PEAK1: variants seen among roughly 807,000 people sequenced by gnomAD.
PEAK1 encodes the protein inactive tyrosine-protein kinase PEAK1.
PEAK1 carries 54 observed loss-of-function variants against 124.7 expected under a neutral mutation model. The ratio of observed to expected loss-of-function variants is 0.43; its 90% CI spans 0.35 to 0.54. The LOEUF is 0.54. Among genes scored for constraint, PEAK1 ranks in the 20% least tolerant of loss-of-function variants. PEAK1 has a pLI of 0.01. For synonymous variants in PEAK1, 719 were observed against 760.0 expected, an observed-to-expected ratio of 0.95 and a Z score of 0.89; for missense variants, 2,046 against 2,134.5, an observed-to-expected ratio of 0.96 and a Z score of 0.82.
intron 8 of PEAK1, among the ~76,000 whole-genome samples, chr15:77,147,348 G>C (rs2054243411): frequency 6.6e-6 from 1 of 152,100 alleles, no homozygotes; most frequent in Non-Finnish European, 1.5e-5. Flanking sequence ...TAGGATGTTG[G>C]GATGCAGAAA....
intron 6 of PEAK1, among the ~76,000 whole-genome samples, chr15:77,232,215 C>T (rs927804736): frequency 6.6e-6 from 1 of 152,104 alleles, no homozygotes; most frequent in Non-Finnish European, 1.5e-5. Flanking sequence ...ATTTTGCAAA[C>T]ACTCTCTTGA....
chr15:77,205,568 CCTT>C lies in PEAK1; in HGVS notation c.-114-23531_-114-23529del, dbSNP rs1352197821. Among the ~76,000 whole-genome samples the C allele has an allele frequency of 2.0e-5, 3 of 152,144 alleles. No individual in the cohort carries two copies. In the East Asian group the frequency reaches 5.8e-4, roughly 29 times the overall value. On this transcript the variant is annotated intron_variant, in intron 6 of 9. Transcript: ENST00000682557. Reference sequence around the variant, plus strand: ...AAAAATACTCCTGGCTCATGGCTCTCCTTATCAGAATTGTGTGCACTCTGTAAC... The same window carrying C: ...AAAAATACTCCTGGCTCATGGCTCTCATCAGAATTGTGTGCACTCTGTAAC...
chr15:77,211,767 G>A (rs989427714), intron 6 of PEAK1, among the ~76,000 whole-genome samples: 4 of 143,284 alleles, frequency 2.8e-5, no homozygotes, highest in Non-Finnish European at 3.0e-5. Context: ...AGAATTATTT[G>A]AACCCGGGAG....
intron 1 of PEAK1, among the ~76,000 whole-genome samples, chr15:77,397,824 C>T (rs890995469): frequency 4.6e-5 from 7 of 152,056 alleles, no homozygotes; most frequent in African/African-American, 1.7e-4. Context: ...CCTTGGGAGG[C>T]CAAGGTGGGC....
At chr15:77,417,973 T>C (rs1348503158) in intron 1 of PEAK1, 2 of 971,130 alleles carry the variant, frequency 2.1e-6, no homozygotes, top group Non-Finnish European at 2.4e-6. Context: ...CAAAGATAAA[T>C]GTTTATATGA....
At chr15:77,134,692 T>C (rs946575460) in intron 8 of PEAK1, among the ~76,000 whole-genome samples, 1 of 152,214 alleles carries the variant, frequency 6.6e-6, no homozygotes, top group African/African-American at 2.4e-5. Context: ...ATGAAACTTC[T>C]ATAAAGGCTA....
At chr15:77,350,202 G>A in intron 2 of PEAK1, 2 of 985,322 alleles carry the variant, frequency 2.0e-6, no homozygotes, top group Non-Finnish European at 2.4e-6. Flanking sequence ...ACTGTTGTTG[G>A]GTAGGTGAGA....
intron 5 of PEAK1, among the ~76,000 whole-genome samples, chr15:77,281,236 G>A (rs1018304700): frequency 7.9e-5 from 12 of 152,094 alleles, no homozygotes; most frequent in Admixed American, 2.6e-4. Context: ...TATGTGAACT[G>A]CCATTTCTGC....
At chr15:77,210,603 G>A (rs972298542) in intron 6 of PEAK1, among the ~76,000 whole-genome samples, 4 of 152,188 alleles carry the variant, frequency 2.6e-5, no homozygotes, top group Admixed American at 6.5e-5. Flanking sequence ...ATTCAGGCTG[G>A]GCGCAGTGGC....
chr15:77,417,595 C>T, intron 1 of PEAK1: 1 of 985,394 alleles, frequency 1.0e-6, no homozygotes, highest in Non-Finnish European at 1.2e-6. Flanking sequence ...TGTACTCACA[C>T]TTGGCATGCC....
chr15:77,247,489 T>C (rs1367912975), intron 6 of PEAK1, among the ~76,000 whole-genome samples: 2 of 124,764 alleles, frequency 1.6e-5, no homozygotes, highest in Admixed American at 7.8e-5. Flanking sequence ...TCTTTTCTTT[T>C]TTTTTTTTTT....
intron 1 of PEAK1, among the ~76,000 whole-genome samples, chr15:77,410,431 A>C (rs1389604399): frequency 1.3e-5 from 2 of 152,166 alleles, no homozygotes; most frequent in East Asian, 3.9e-4. Context: ...GTCTGTGATC[A>C]TGTTTTTACA....
At chr15:77,304,872 T>G (rs985913192) in intron 2 of PEAK1, among the ~76,000 whole-genome samples, 1 of 152,084 alleles carries the variant, frequency 6.6e-6, no homozygotes, top group Admixed American at 6.6e-5. Flanking sequence ...CCTAGCCTAC[T>G]TGGACTTGAG....
intron 1 of PEAK1, among the ~76,000 whole-genome samples, chr15:77,389,865 T>C (rs1480393585): frequency 6.6e-6 from 1 of 152,196 alleles, no homozygotes; most frequent in Non-Finnish European, 1.5e-5. Flanking sequence ...AGCAGGGAAC[T>C]GCTACATGGC....
At chr15:77,362,207 G>A (rs991446524) in intron 2 of PEAK1, among the ~76,000 whole-genome samples, 4 of 152,030 alleles carry the variant, frequency 2.6e-5, no homozygotes, top group Non-Finnish European at 5.9e-5. Flanking sequence ...CTAGGAAGAG[G>A]ATATTGAACA....
At chr15:77,266,926 T>C (rs745442475) in intron 5 of PEAK1, among the ~76,000 whole-genome samples, 2 of 145,308 alleles carry the variant, frequency 1.4e-5, no homozygotes, top group African/African-American at 5.2e-5. Context: ...GCTTGTAGCC[T>C]GGGGCAAGTT....
intron 6 of PEAK1, among the ~76,000 whole-genome samples, chr15:77,230,902 T>C (rs1017353351): frequency 6.6e-6 from 1 of 152,056 alleles, no homozygotes; most frequent in African/African-American, 2.4e-5. Context: ...ATTTGGTTTA[T>C]AGCATGTAGT....
At chr15:77,264,408 C>A (rs928321166) in intron 5 of PEAK1, among the ~76,000 whole-genome samples, 139 of 152,278 alleles carry the variant, frequency 9.1e-4, no homozygotes, top group African/African-American at 3.2e-3. Flanking sequence ...TCAGCAAAGT[C>A]TCAGGATACA....
intron 5 of PEAK1, among the ~76,000 whole-genome samples, chr15:77,265,996 T>C (rs974163544): frequency 3.3e-5 from 5 of 151,870 alleles, no homozygotes; most frequent in Admixed American, 6.6e-5. Context: ...CTCAGTAAAC[T>C]ATCACAAGAA....
Sources: allele counts gnomAD v4.1 joint callset (sites outside exome capture counted in the v4.1 genomes callset), GRCh38; gene constraint gnomAD v4.1.1; transcripts MANE v1.5; gene names NCBI Gene and HGNC (gene_info 2026-07-23, HGNC 2026-07-21).